Variants in DST observed in about 807,000 individuals in gnomAD.
DST encodes dystonin.
Under a neutral mutation model 875.2 loss-of-function variants are expected in DST, and 253 were observed. The observed-to-expected ratio is 0.29, with a 90% confidence interval of 0.26 to 0.32. The LOEUF (loss-of-function observed/expected upper bound fraction) is 0.32, where lower values mean the gene tolerates loss of function less well. Ranked by LOEUF, DST falls within the 10% of genes least tolerant of loss-of-function variation. The probability of loss-of-function intolerance (pLI) is 1.00; values close to 1 mark genes in which losing one functional copy is unlikely to be tolerated. For synonymous variants in DST, 3,124 were observed against 3,197.1 expected (o/e 0.98, Z 0.77); for missense variants, 8,287 against 9,111.6 (o/e 0.91, Z 3.68).
intron 2 of DST, among the ~76,000 whole-genome samples, chr6:56,925,821 TC>T (rs1806771859): frequency 6.6e-6 from 1 of 152,350 alleles, no homozygotes; most frequent in South Asian, 2.1e-4. Context: ...ATTTTTAGCA[TC>T]CCTTATTAAT....
rs141092458 is a variant in DST at position 56,631,803 on chromosome 6, A to G, written c.3963+80T>C. 1,529 of 1,346,804 alleles carry G rather than the reference A, an allele frequency of 1.1e-3. 7 individuals carry two copies. In the African/African-American group the frequency reaches 0.019, roughly 17 times the overall value. 83.4% of individuals were successfully genotyped at this position (1,346,804 alleles called of 1,614,324 possible). A position where few individuals can be genotyped will look rare whatever the true frequency, so the allele number is the denominator to read the frequency against. ...TGGCTAGTGTGAGTGTGCAAAACTG[A>G]ACATTAAGAAGTCACAAGAGTTGAT... On this transcript the variant is annotated intron_variant, in intron 29 of 103. Transcript: ENST00000680361.
Position 56,578,946 on chromosome 6 carries a change from T to C in DST, c.12904-9A>G, listed in dbSNP as rs1435838236. ...ATCTGTCCTTGCAAAGCCTGTAGGA[T>C]TAAACGCTTTTCAATTATACTCAGC... is the stretch of plus-strand genomic sequence containing the variant. On this transcript the variant is annotated splice_polypyrimidine_tract_variant and intron_variant, in intron 49 of 103. Coordinates refer to ENST00000680361, the MANE Select transcript of DST (RefSeq NM_001374736.1). 1 of 1,576,610 alleles carries C rather than the reference T, an allele frequency of 6.3e-7. No individual in the cohort carries two copies.
chr6:56,921,098 C>T (rs1191786454), intron 2 of DST, among the ~76,000 whole-genome samples: 1 of 151,722 alleles, frequency 6.6e-6, no homozygotes, highest in African/African-American at 2.4e-5. Context: ...GATATTTGAA[C>T]AATGAATGAG....
chr6:56,593,691 G>C lies in DST; in HGVS notation c.12698C>G (p.Thr4233Ser). 6.2e-7 allele frequency: 1 copy of C among 1,608,872 alleles called. No homozygotes were observed. The highest frequency in any genetic ancestry group is 8.5e-7 in the Non-Finnish European group (1 of 1,176,692). The change falls in exon 48 of 104, where the codon ACT becomes AGT. Residue 4233 changes from threonine (T) to serine (S), a missense_variant. Physicochemically the swap from Thr to Ser is moderately conservative, Grantham distance 58 (BLOSUM62 1). This residue lies in a region of DST where 1,513 missense variants were observed against 1,677.8 expected (regional missense o/e 0.90). Transcript: ENST00000680361. ...REVQRKLDHATDRFRSLYSKC... is the reference protein window; with the variant it reads ...REVQRKLDHASDRFRSLYSKC... ...AGAGTAGAGAGACCTGAACCGATCA[G>C]TAGCATGATCCAACTTGCGCTGCAC...
intron 87 of DST, among the ~76,000 whole-genome samples, chr6:56,486,240 G>C (rs1040988935): frequency 6.6e-6 from 1 of 151,742 alleles, no homozygotes; most frequent in Non-Finnish European, 1.5e-5. Context: ...GCGGACGCCT[G>C]TGGTCCCAGC....
intron 4 of DST, among the ~76,000 whole-genome samples, chr6:56,806,297 G>A (rs569514931): frequency 2.6e-5 from 4 of 152,288 alleles, no homozygotes; most frequent in African/African-American, 9.6e-5. Flanking sequence ...AGTGGAAAAT[G>A]GGGTGATAGT....
At chr6:56,551,347 A>G (rs550352675) in intron 61 of DST, among the ~76,000 whole-genome samples, 1 of 152,288 alleles carries the variant, frequency 6.6e-6, no homozygotes, top group Non-Finnish European at 1.5e-5. Context: ...AGTAAAACAC[A>G]CCTCATAAAT....
intron 4 of DST, among the ~76,000 whole-genome samples, chr6:56,739,428 A>G (rs2099538185): frequency 6.6e-6 from 1 of 152,068 alleles, no homozygotes; most frequent in African/African-American, 2.4e-5. Context: ...TACTTCCCTC[A>G]TTTACTCACT....
chr6:56,479,168 C>T (rs2095317157), intron 90 of DST, among the ~76,000 whole-genome samples: 1 of 152,120 alleles, frequency 6.6e-6, no homozygotes, highest in Non-Finnish European at 1.5e-5. Context: ...CCAACAAACA[C>T]ATGAAAAATG....
chr6:56,828,003 A>G (rs1341432651), intron 4 of DST, among the ~76,000 whole-genome samples: 3 of 152,114 alleles, frequency 2.0e-5, no homozygotes, highest in Admixed American at 1.3e-4. Flanking sequence ...CAAACCTTTC[A>G]TGCCTTCCAC....
chr6:56,720,033 G>T (rs552145429), intron 5 of DST, among the ~76,000 whole-genome samples: 2 of 152,202 alleles, frequency 1.3e-5, no homozygotes, highest in Admixed American at 6.5e-5. Flanking sequence ...GAGAGCAACC[G>T]GTCTGACCAA....
At chr6:56,741,334 A>C (rs892561089) in intron 4 of DST, among the ~76,000 whole-genome samples, 1 of 152,252 alleles carries the variant, frequency 6.6e-6, no homozygotes, top group African/African-American at 2.4e-5. Context: ...TAAAGTACAT[A>C]AGATACAAAG....
intron 36 of DST, chr6:56,619,216 AGTTT>A: frequency 1.2e-6 from 2 of 1,613,926 alleles, no homozygotes; most frequent in Non-Finnish European, 1.7e-6. Context: ...TTTGCTGGAT[AGTTT>A]GTTTCTCTAA....
intron 4 of DST, among the ~76,000 whole-genome samples, chr6:56,783,401 G>C (rs1263113813): frequency 6.6e-6 from 1 of 152,062 alleles, no homozygotes; most frequent in Non-Finnish European, 1.5e-5. Context: ...TATGAATCTG[G>C]GTGCTCCTGT....
At chr6:56,633,626 G>C (rs369111278) in intron 27 of DST, among the ~76,000 whole-genome samples, 3 of 151,884 alleles carry the variant, frequency 2.0e-5, no homozygotes, top group African/African-American at 4.8e-5. Flanking sequence ...TCAGCCTCCC[G>C]AGTAGCTAAG....
rs112563260 is a variant in DST, at chr6:56,672,710, TCAA to T, written c.1048-1906_1048-1904del. Among the ~76,000 whole-genome samples, 1,297 of 152,240 alleles carry T rather than the reference TCAA, an allele frequency of 8.5e-3. 24 individuals carry two copies. Among genetic ancestry groups the T allele is most frequent in the African/African-American group, 0.03 (1,251 of 41,540 alleles). On this transcript the variant is annotated intron_variant, in intron 9 of 103. Coordinates refer to ENST00000680361, the MANE Select transcript of DST (RefSeq NM_001374736.1). ...GATAATTATACCATGTTGTGAGAAT[TCAA>T]CAACATTAGCACAGTGTAATGCCTG... is the stretch of plus-strand genomic sequence containing the variant.
chr6:56,464,796 T>A (rs2094502105), intron 99 of DST, 40 bp from the exon 100 acceptor site: 3 of 1,444,672 alleles, frequency 2.1e-6, no homozygotes, highest in Non-Finnish European at 2.9e-6. Context: ...CATTAAAGAA[T>A]ACTGTTAGCA....
In DST at chr6:56,465,376, G is replaced by A. The variant is rs184282279; in HGVS notation, c.22688-620C>T. Among the ~76,000 whole-genome samples the A allele has an allele frequency of 2.1e-4, 32 of 152,178 alleles. No homozygotes were observed. In the East Asian group the frequency reaches 6.2e-3, roughly 29 times the overall value. The stretch of plus-strand genomic sequence containing the variant: ...ACAATTTTATTGTTTTTTTCTTGGG[G>A]GGGAAGAAAAATGGGCCTACTGAGT... On this transcript the variant is annotated intron_variant, in intron 99 of 103. Coordinates refer to ENST00000680361, the MANE Select transcript of DST (RefSeq NM_001374736.1).
intron 61 of DST, among the ~76,000 whole-genome samples, chr6:56,549,838 A>G (rs968559177): frequency 5.3e-5 from 8 of 152,174 alleles, no homozygotes; most frequent in Non-Finnish European, 8.8e-5. Flanking sequence ...CCCCAGAGAA[A>G]ATACCAGATG....
Sources: allele counts gnomAD v4.1 joint callset (sites outside exome capture counted in the v4.1 genomes callset), GRCh38; gene constraint gnomAD v4.1.1; regional missense constraint gnomAD v4.1.1; transcripts MANE v1.5; gene names NCBI Gene and HGNC (gene_info 2026-07-23, HGNC 2026-07-21).